Variants in REC114 observed in about 807,000 individuals in gnomAD.
REC114 encodes the protein meiotic recombination protein REC114.
In REC114, 27 loss-of-function variants were observed where a neutral mutation model predicts 31.3. The ratio of observed to expected loss-of-function variants is 0.86; its 90% confidence interval spans 0.64 to 1.19. The LOEUF (loss-of-function observed/expected upper bound fraction) is 1.19. Ranked by LOEUF, REC114 falls within the 50% of genes most tolerant of loss-of-function variation. The probability of loss-of-function intolerance (pLI) is 0.00; values close to 1 mark genes in which losing one functional copy is unlikely to be tolerated. For synonymous variants in REC114, 134 were observed against 127.7 expected (o/e 1.05, Z -0.33); for missense variants, 344 against 326.9 (o/e 1.05, Z -0.40).
intron 4 of REC114, among the ~76,000 whole-genome samples, 172 bp downstream of exon 4, chr15:73,551,322 A>G (rs1304832046): frequency 6.6e-6 from 1 of 152,118 alleles, no homozygotes; most frequent in Admixed American, 6.6e-5. Flanking sequence ...CCCTATTCAG[A>G]AATTAGGCAG....
intron 1 of REC114, among the ~76,000 whole-genome samples, chr15:73,473,321 A>G (rs570336493): frequency 2.0e-4 from 30 of 151,464 alleles, no homozygotes; most frequent in African/African-American, 6.8e-4. Flanking sequence ...CACAGGAGGC[A>G]GAGGTTGCTG....
At chr15:73,489,863 G>A (rs143014722) in intron 2 of REC114, among the ~76,000 whole-genome samples, 1 of 152,200 alleles carries the variant, frequency 6.6e-6, no homozygotes, top group East Asian at 1.9e-4. Flanking sequence ...GTTTATCTGT[G>A]CCAATCTCAT....
intron 1 of REC114, among the ~76,000 whole-genome samples, chr15:73,461,986 C>T (rs1324958605): frequency 7.6e-6 from 1 of 131,094 alleles, no homozygotes; most frequent in African/African-American, 3.0e-5. Flanking sequence ...GGCTGGAGTG[C>T]GGTGGTGCGA....
At chr15:73,537,716 A>G (rs1170908156) in intron 2 of REC114, among the ~76,000 whole-genome samples, 1 of 152,236 alleles carries the variant, frequency 6.6e-6, no homozygotes, top group African/African-American at 2.4e-5. Context: ...GTCCAGCACA[A>G]ATGTTTGCAC....
chr15:73,529,704 G>C (rs1011882225), intron 2 of REC114, among the ~76,000 whole-genome samples: 1 of 152,082 alleles, frequency 6.6e-6, no homozygotes, highest in African/African-American at 2.4e-5. Context: ...CAGTTCAAAG[G>C]CCATTTCCTC....
At chr15:73,502,471 A>G (rs1222680168) in intron 2 of REC114, among the ~76,000 whole-genome samples, 1 of 152,212 alleles carries the variant, frequency 6.6e-6, no homozygotes, top group Non-Finnish European at 1.5e-5. Flanking sequence ...TCTATGTTAC[A>G]TGTATTACAT....
In REC114 at chr15:73,516,084, T is replaced by A. The variant is rs112074226; in HGVS notation, c.250-24401T>A. 7.9e-3 allele frequency among the ~76,000 whole-genome samples: 1,206 copies of A among 151,866 alleles called. 21 individuals carry two copies. The highest frequency in any genetic ancestry group is 0.028 in the African/African-American group (1,160 of 41,398). On this transcript the variant is annotated intron_variant, in intron 2 of 5. Transcript: ENST00000331090. ...TCACTGCAACCTCCGCCTCCCAGGT[T>A]CAAGTGATTCTCCTGCCACAGCCCC...
intron 2 of REC114, among the ~76,000 whole-genome samples, chr15:73,505,147 G>A (rs1315368106): frequency 6.6e-6 from 1 of 151,872 alleles, no homozygotes; most frequent in Non-Finnish European, 1.5e-5. Context: ...CCCATTAACT[G>A]TGCACAGCAC....
At chr15:73,536,700 A>G (rs1250970661) in intron 2 of REC114, among the ~76,000 whole-genome samples, 1 of 152,184 alleles carries the variant, frequency 6.6e-6, no homozygotes. Context: ...AGGCTTCTTT[A>G]CTAAATCTCA....
chr15:73,475,370 C>T (rs1893197178), intron 2 of REC114, among the ~76,000 whole-genome samples: 1 of 152,132 alleles, frequency 6.6e-6, no homozygotes, highest in Non-Finnish European at 1.5e-5. Context: ...CTCATCACAA[C>T]ATATTAGTCA....
At chr15:73,559,022 T>C (rs2141340748) in intron 5 of REC114, among the ~76,000 whole-genome samples, 1 of 152,344 alleles carries the variant, frequency 6.6e-6, no homozygotes, top group South Asian at 2.1e-4. Flanking sequence ...AATGTATTCA[T>C]TATGCTAAGT....
rs548914881 is a variant in REC114, at chr15:73,481,903, C to T, written c.249+7982C>T. On this transcript the variant is annotated intron_variant, in intron 2 of 5. Transcript: ENST00000331090. ...CTCAAACTCCTGAGCTTGTGATCTG[C>T]CCACCTCGGCCTCCCAAAGTGCTGG... Among the ~76,000 whole-genome samples the T allele has an allele frequency of 2.0e-5, 3 of 152,112 alleles. No individual in the cohort carries two copies. The East Asian group carries it at 5.8e-4, about 30-fold the overall frequency.
rs1893622754 is a variant in REC114 at position 73,503,006 on chromosome 15, G to C, written c.249+29085G>C. On this transcript the variant is annotated intron_variant, in intron 2 of 5. Transcript: ENST00000331090. Reference sequence around the variant, plus strand: ...TCTATTAGAATGGCCAAGATTAAATGAACTATAATACAACTGTTTGCAAGG... The same window carrying C: ...TCTATTAGAATGGCCAAGATTAAATCAACTATAATACAACTGTTTGCAAGG... Among the ~76,000 whole-genome samples the C allele has an allele frequency of 3.3e-5, 5 of 152,290 alleles. No individual in the cohort carries two copies. In the South Asian group the frequency reaches 1.0e-3, roughly 32 times the overall value.
At chr15:73,519,069 C>A (rs1893901405) in intron 2 of REC114, among the ~76,000 whole-genome samples, 1 of 152,176 alleles carries the variant, frequency 6.6e-6, no homozygotes, top group African/African-American at 2.4e-5. Context: ...TGCTATAAAA[C>A]AACAAACAAG....
chr15:73,544,641 T>A (rs1410651083), intron 3 of REC114, among the ~76,000 whole-genome samples: 1 of 152,220 alleles, frequency 6.6e-6, no homozygotes, highest in Non-Finnish European at 1.5e-5. Flanking sequence ...TCCTCTTTAC[T>A]TCTCACTCCC....
Position 73,491,635 on chromosome 15 carries a change from C to T in REC114, c.249+17714C>T, listed in dbSNP as rs184167057. ...TGTATCAGCCAGATGCAATGGCTCACGCCTGTAATCCCAGCACTTTGGGAG... is the reference window on the plus strand; with the variant it reads ...TGTATCAGCCAGATGCAATGGCTCATGCCTGTAATCCCAGCACTTTGGGAG... On this transcript the variant is annotated intron_variant, in intron 2 of 5. Transcript: ENST00000331090. 8.6e-3 allele frequency among the ~76,000 whole-genome samples: 1,309 copies of T among 152,320 alleles called. 9 individuals carry two copies. The highest frequency in any genetic ancestry group is 0.017 in the Middle Eastern group (5 of 294).
chr15:73,452,455 C>G (rs981157558), intron 1 of REC114, among the ~76,000 whole-genome samples: 1 of 152,136 alleles, frequency 6.6e-6, no homozygotes, highest in African/African-American at 2.4e-5. Flanking sequence ...TCAAGGAGAA[C>G]TACAAACCAC....
At chr15:73,491,713 C>T (rs1471542247) in intron 2 of REC114, among the ~76,000 whole-genome samples, 1 of 152,060 alleles carries the variant, frequency 6.6e-6, no homozygotes, top group Non-Finnish European at 1.5e-5. Flanking sequence ...GCCTGACCAA[C>T]ATAGTGAAAC....
chr15:73,527,677 G>T (rs1240363843), intron 2 of REC114, among the ~76,000 whole-genome samples: 1 of 151,944 alleles, frequency 6.6e-6, no homozygotes, highest in African/African-American at 2.4e-5. Context: ...ATTCCCTGTT[G>T]GTCAGAAATG....
Sources: gnomAD v4.1 joint callset for allele counts (sites outside exome capture counted in the v4.1 genomes callset) on GRCh38, gnomAD v4.1.1 for gene constraint, MANE v1.5 for transcripts, NCBI Gene and HGNC (gene_info 2026-07-23, HGNC 2026-07-21) for gene names.